Variants in ACADM observed in about 807,000 individuals in gnomAD.
The protein encoded by ACADM is acyl-CoA dehydrogenase medium chain.
ACADM carries 49 observed loss-of-function variants against 58.9 expected under a neutral mutation model. That is an observed-to-expected ratio of 0.83 (90% confidence interval 0.66 to 1.06). The LOEUF (loss-of-function observed/expected upper bound fraction) is 1.06, where lower values mean the gene tolerates loss of function less well. Ranked by LOEUF, ACADM falls within the 50% of genes least tolerant of loss-of-function variation. The pLI is 0.00. For synonymous variants in ACADM, 160 were observed against 157.7 expected, an observed-to-expected ratio of 1.01 and a Z score of -0.11; for missense variants, 496 against 507.0, an observed-to-expected ratio of 0.98 and a Z score of 0.21.
intron 10 of ACADM, among the ~76,000 whole-genome samples, chr1:75,755,674 A>T (rs1196520816): frequency 6.6e-6 from 1 of 152,244 alleles, no homozygotes; most frequent in African/African-American, 2.4e-5. Context: ...AGAGCAGAAA[A>T]GCTGAAAATT....
chr1:75,749,717 T>G (rs1158862194), intron 9 of ACADM, among the ~76,000 whole-genome samples, 158 bp downstream of exon 9: 1 of 146,148 alleles, frequency 6.8e-6, no homozygotes, highest in Non-Finnish European at 1.5e-5. Context: ...TCTTTCTTTT[T>G]TTTTTTTTTT....
At chr1:75,739,888 AC>A (rs1647467307) in intron 6 of ACADM, 91 bp from the exon 7 acceptor site, 5 of 902,970 alleles carry the variant, frequency 5.5e-6, no homozygotes, top group Non-Finnish European at 6.4e-6. Flanking sequence ...TATTTAAAAT[AC>A]AGCTTAAAAA....
intron 7 of ACADM, chr1:75,743,339 C>G: frequency 1.3e-6 from 2 of 1,509,850 alleles, no homozygotes. Context: ...ACCAGGCTAA[C>G]CTGGGACCCA....
At chr1:75,732,101 G>A (rs1557443878) in intron 2 of ACADM, among the ~76,000 whole-genome samples, 2 of 151,624 alleles carry the variant, frequency 1.3e-5, no homozygotes, top group African/African-American at 4.8e-5. Context: ...ACAGTGAGTC[G>A]TAATTGCACC....
chr1:75,728,924 G>A (rs542415963), intron 2 of ACADM, among the ~76,000 whole-genome samples: 25 of 152,126 alleles, frequency 1.6e-4, no homozygotes, highest in Non-Finnish European at 3.4e-4. Flanking sequence ...ATTAGATGAA[G>A]TTCTCACTCC....
rs759450227 is a variant in ACADM, at chr1:75,732,260, TGTC to T, written c.119-380_119-378del. On this transcript the variant is annotated intron_variant, in intron 2 of 11. Transcript: ENST00000370841. The stretch of plus-strand genomic sequence containing the variant: ...TCATCTATTTCGTTAGATTGATTCT[TGTC>T]GTCAGGGAGATGTCTTGTATATTAG... 9.2e-5 allele frequency among the ~76,000 whole-genome samples: 14 copies of T among 152,270 alleles called. No individual in the cohort carries two copies. In the East Asian group the frequency reaches 1.2e-3, roughly 13 times the overall value.
At position 75,761,163 on chromosome 1, in the gene ACADM, A is replaced by G. The variant is rs1557466699; in HGVS notation, c.987A>G (p.Lys329=). The change falls in exon 11 of 12, where the codon AAA becomes AAG. Residue 329 remains lysine (K), a synonymous_variant. Transcript: ENST00000370841. ...ISFMLAEMAM[K]VELARMSYQR... is the part of the protein sequence containing the mutation. ...TTATGCTGGCTGAAATGGCAATGAA[A>G]GTTGAACTAGCTAGAATGAGTTACC... 6.2e-7 allele frequency: 1 copy of G among 1,614,156 alleles called. No individual in the cohort carries two copies. Among genetic ancestry groups the G allele is most frequent in the East Asian group, 2.2e-5 (1 of 44,876 alleles).
intron 7 of ACADM, among the ~76,000 whole-genome samples, chr1:75,743,177 C>G (rs1193611773): frequency 5.5e-5 from 1 of 18,274 alleles, no homozygotes; most frequent in African/African-American, 2.9e-4. Flanking sequence ...CATTAAGGCT[C>G]TCTCTCTCAA....
intron 10 of ACADM, 200 bp downstream of exon 10, chr1:75,750,746 T>G: frequency 3.3e-6 from 2 of 597,680 alleles, no homozygotes; most frequent in Non-Finnish European, 2.9e-6. Flanking sequence ...GACACTGTGC[T>G]ATGCATTTTT....
At chr1:75,729,519 T>TG (rs1392103701) in intron 2 of ACADM, among the ~76,000 whole-genome samples, 190 of 150,908 alleles carry the variant, frequency 1.3e-3, no homozygotes, top group Non-Finnish European at 1.9e-3. Flanking sequence ...TTTTCTTTTT[T>TG]TTGAGACAGA....
rs201683611 is a variant in ACADM at position 75,743,166 on chromosome 1, C to G, written c.600-2640C>G. 6.4e-5 allele frequency among the ~76,000 whole-genome samples: 6 copies of G among 93,938 alleles called. No individual in the cohort carries two copies. The East Asian group carries it at 1.1e-3, about 17-fold the overall frequency. The allele number at this position is 93,938 out of a possible 152,430, so 61.6% of individuals were successfully genotyped here. ...GAAAGGCAGGAATATGAATGAGCAT[C>G]CATTAAGGCTCTCTCTCTCAAGCCT... On this transcript the variant is annotated intron_variant, in intron 7 of 11. Transcript: ENST00000370841.
intron 8 of ACADM, among the ~76,000 whole-genome samples, chr1:75,747,207 T>TG (rs1647949645): frequency 1.2e-5 from 1 of 86,524 alleles, no homozygotes; most frequent in Non-Finnish European, 3.0e-5. Context: ...CAGCTTATAC[T>TG]TTTTTTAGTA....
At chr1:75,737,276 AC>A (rs1450001063) in intron 6 of ACADM, among the ~76,000 whole-genome samples, 6 of 92,642 alleles carry the variant, frequency 6.5e-5, no homozygotes, top group Admixed American at 2.5e-4. Flanking sequence ...ACACACACAC[AC>A]AAATATATAT....
intron 10 of ACADM, among the ~76,000 whole-genome samples, chr1:75,754,294 G>C (rs1648377555): frequency 6.7e-6 from 1 of 148,164 alleles, no homozygotes; most frequent in Non-Finnish European, 1.5e-5. Flanking sequence ...TGCAACCTCT[G>C]CCCCCGGGGT....
chr1:75,756,418 A>G (rs2100437646), intron 10 of ACADM, among the ~76,000 whole-genome samples: 1 of 84,944 alleles, frequency 1.2e-5, no homozygotes, highest in Non-Finnish European at 2.5e-5. Flanking sequence ...CTATACACCA[A>G]CAACACACAG....
chr1:75,727,696 G>C (rs1057059558), intron 1 of ACADM, among the ~76,000 whole-genome samples: 2 of 152,098 alleles, frequency 1.3e-5, no homozygotes, highest in African/African-American at 2.4e-5. Flanking sequence ...GATGGCAAAC[G>C]TGTTTGTAAA....
At position 75,733,631 on chromosome 1, in the gene ACADM, A is replaced by G. The variant is rs1168761810; in HGVS notation, c.387+3A>G. 6.2e-7 allele frequency: 1 copy of G among 1,608,940 alleles called. No individual in the cohort carries two copies. Among genetic ancestry groups the G allele is most frequent in the Non-Finnish European group, 8.5e-7 (1 of 1,175,300 alleles). ...CTATTGAAGGAAATTCTTTGGGGGTAAGTGACTTAGAAAATTAACTACCTA... is the reference window on the plus strand; with the variant it reads ...CTATTGAAGGAAATTCTTTGGGGGTGAGTGACTTAGAAAATTAACTACCTA... On this transcript the variant is annotated splice_donor_region_variant and intron_variant, in intron 5 of 11. Coordinates refer to ENST00000370841, the MANE Select transcript of ACADM (RefSeq NM_000016.6).
At chr1:75,762,659 G>A in intron 11 of ACADM, 33 bp from the exon 12 acceptor site, 1 of 1,308,794 alleles carries the variant, frequency 7.6e-7, no homozygotes, top group Non-Finnish European at 1.1e-6. Context: ...ATGTACTAAA[G>A]ATATTTAACC....
chr1:75,762,893 T>G lies in ACADM; in HGVS notation c.*130T>G. ...TATATTAAATCTAAGCAACTGCTTA[T>G]TATAGTAGTTTATACTTTTGCTTAA... is the stretch of plus-strand genomic sequence containing the variant. On this transcript the variant is annotated 3_prime_UTR_variant, in exon 12 of 12. Transcript: ENST00000370841. 1.6e-6 allele frequency: 1 copy of G among 621,568 alleles called. No individual in the cohort carries two copies. Among genetic ancestry groups the G allele is most frequent in the Non-Finnish European group, 2.9e-6 (1 of 348,046 alleles). The allele number at this position is 621,568 out of a possible 1,614,324, so 38.5% of individuals were successfully genotyped here. A position where few individuals can be genotyped will look rare whatever the true frequency, so the allele number is the denominator to read the frequency against.
Sources: allele counts gnomAD v4.1 joint callset (sites outside exome capture counted in the v4.1 genomes callset), GRCh38; gene constraint gnomAD v4.1.1; transcripts MANE v1.5; gene names NCBI Gene and HGNC (gene_info 2026-07-23, HGNC 2026-07-21).